HTR4: variants seen among roughly 807,000 people sequenced by gnomAD.
HTR4 encodes the protein 5-hydroxytryptamine receptor 4, also known as 5-hydroxytryptamine (serotonin) receptor 4, G protein-coupled.
Under a neutral mutation model 36.8 loss-of-function variants are expected in HTR4, and 16 were observed. That is an observed-to-expected ratio of 0.43 (90% CI 0.29 to 0.66). HTR4 has a LOEUF of 0.66. HTR4 is among the 30% of genes least tolerant of loss of function. The probability of loss-of-function intolerance (pLI) is 0.13; values close to 1 mark genes in which losing one functional copy is unlikely to be tolerated. For synonymous variants in HTR4, 189 were observed against 185.1 expected (o/e 1.02, Z -0.17); for missense variants, 438 against 490.9 (o/e 0.89, Z 1.02).
At chr5:148,628,708 A>T (rs976746967) in intron 2 of HTR4, 1 of 152,200 alleles carries the variant, frequency 6.6e-6, no homozygotes, top group Non-Finnish European at 1.5e-5. Context: ...AAATAAAGAT[A>T]TTTATTTCTT....
At chr5:148,638,809 C>A (rs542117771) in intron 1 of HTR4, among the ~76,000 whole-genome samples, 5 of 152,114 alleles carry the variant, frequency 3.3e-5, no homozygotes, top group African/African-American at 7.2e-5. Flanking sequence ...AATCCCAACA[C>A]TTTGGGGGGC....
chr5:148,496,061 C>G (rs1756671562), intron 6 of HTR4, among the ~76,000 whole-genome samples: 1 of 152,142 alleles, frequency 6.6e-6, no homozygotes, highest in Admixed American at 6.5e-5. Flanking sequence ...AATCGCGCCA[C>G]TGCACTCCAG....
At chr5:148,569,763 A>G (rs547560332) in intron 2 of HTR4, among the ~76,000 whole-genome samples, 6 of 152,008 alleles carry the variant, frequency 3.9e-5, no homozygotes, top group African/African-American at 1.4e-4. Context: ...AGAAATGCAT[A>G]TGTATGCATA....
chr5:148,639,350 G>A (rs574451015), intron 1 of HTR4, among the ~76,000 whole-genome samples: 1 of 151,984 alleles, frequency 6.6e-6, no homozygotes, highest in Non-Finnish European at 1.5e-5. Flanking sequence ...AAACTCAACT[G>A]TAGCCATGCC....
Position 148,574,423 on chromosome 5 carries a change from C to T in HTR4, c.27-24161G>A, listed in dbSNP as rs143640884. Among the ~76,000 whole-genome samples, 295 of 152,110 alleles carry T rather than the reference C, an allele frequency of 1.9e-3. 7 individuals are homozygous for T. The East Asian group carries it at 0.031, about 16-fold the overall frequency. ...TCTCTCTCTCTCACTCACACACACA[C>T]GTGACAGATTTTAAAAATCAACATC... On this transcript the variant is annotated intron_variant, in intron 2 of 6. Coordinates refer to ENST00000377888, the MANE Select transcript of HTR4 (RefSeq NM_000870.7).
chr5:148,521,671 T>C lies in HTR4; in HGVS notation c.507+1522A>G, dbSNP rs754874690. Among the ~76,000 whole-genome samples, 26 of 152,062 alleles carry C rather than the reference T, an allele frequency of 1.7e-4. 1 individual carries two copies. The highest frequency in any genetic ancestry group is 2.9e-4 in the Non-Finnish European group (20 of 68,008). On this transcript the variant is annotated intron_variant, in intron 5 of 6. Coordinates refer to ENST00000377888, the MANE Select transcript of HTR4 (RefSeq NM_000870.7). ...CACAAACACACACACCCATTAGTTA[T>C]GTTTATCTGGAGAACCAATACACAG...
At chr5:148,529,686 A>T (rs1758460246) in intron 4 of HTR4, among the ~76,000 whole-genome samples, 1 of 152,238 alleles carries the variant, frequency 6.6e-6, no homozygotes, top group African/African-American at 2.4e-5. Context: ...AAAATGTGGA[A>T]GTGACTTTGG....
chr5:148,548,993 G>A (rs1274863681), intron 3 of HTR4, 125 bp from the exon 4 acceptor site: 5 of 690,088 alleles, frequency 7.2e-6, no homozygotes, highest in African/African-American at 5.4e-5. Flanking sequence ...AAGGGAGGGG[G>A]AAAGAGGAAA....
chr5:148,528,067 G>A (rs1221304488), intron 4 of HTR4, among the ~76,000 whole-genome samples: 2 of 152,142 alleles, frequency 1.3e-5, no homozygotes, highest in Non-Finnish European at 2.9e-5. Context: ...GCAGGATCTA[G>A]GGTGGTTAGG....
intron 5 of HTR4, among the ~76,000 whole-genome samples, chr5:148,515,985 C>CAT (rs3041921): frequency 0.24 from 36,227 of 148,548 alleles, 5,339 homozygotes; most frequent in Non-Finnish European, 0.34. Flanking sequence ...ATATATGTAA[C>CAT]ATATATATAT....
intron 1 of HTR4, among the ~76,000 whole-genome samples, chr5:148,643,775 G>A (rs555094091): frequency 2.8e-4 from 42 of 152,042 alleles, no homozygotes; most frequent in Non-Finnish European, 3.5e-4. Flanking sequence ...CTAACTGTGA[G>A]GTAGATCATT....
chr5:148,518,838 T>C (rs1244425650), intron 5 of HTR4, among the ~76,000 whole-genome samples: 4 of 152,222 alleles, frequency 2.6e-5, no homozygotes, highest in Non-Finnish European at 5.9e-5. Flanking sequence ...ATGACTTACT[T>C]TTCCTCTTCC....
chr5:148,614,185 C>A (rs1287822304), intron 2 of HTR4, among the ~76,000 whole-genome samples: 14 of 152,166 alleles, frequency 9.2e-5, no homozygotes, highest in South Asian at 4.1e-4. Context: ...AAACTACTTT[C>A]AAGTTCATAT....
chr5:148,506,078 C>A (rs1442279826), intron 6 of HTR4, among the ~76,000 whole-genome samples: 1 of 152,090 alleles, frequency 6.6e-6, no homozygotes, highest in Non-Finnish European at 1.5e-5. Context: ...CAACCCTAAG[C>A]CAAAAGAACA....
intron 5 of HTR4, among the ~76,000 whole-genome samples, chr5:148,458,142 CTATT>C (rs1561558974): frequency 1.5e-5 from 2 of 135,842 alleles, no homozygotes; most frequent in East Asian, 2.1e-4. Context: ...ATTTTAATAT[CTATT>C]TAATATATCA....
chr5:148,572,192 A>G (rs887569729), intron 2 of HTR4, among the ~76,000 whole-genome samples: 3 of 152,112 alleles, frequency 2.0e-5, no homozygotes, highest in Admixed American at 6.6e-5. Context: ...CTCTGCTTTG[A>G]TAATAATGGA....
rs937920222 is a variant in HTR4 at position 148,458,843 on chromosome 5, T to C, written c.1077-7571A>G. Reference sequence around the variant, plus strand: ...CAAGTTCATGAGCAGGGGAGGTTCCTGAAGATTTTATGTTTTTAATGAACA... The same window carrying C: ...CAAGTTCATGAGCAGGGGAGGTTCCCGAAGATTTTATGTTTTTAATGAACA... On this transcript the variant is annotated intron_variant, in intron 5 of 5. Transcript: ENST00000521530. Among the ~76,000 whole-genome samples the C allele has an allele frequency of 3.9e-5, 6 of 152,180 alleles. No individual in the cohort carries two copies. The East Asian group carries it at 1.2e-3, about 29-fold the overall frequency.
At chr5:148,551,399 A>G (rs937596156) in intron 2 of HTR4, among the ~76,000 whole-genome samples, 1 of 152,190 alleles carries the variant, frequency 6.6e-6, no homozygotes, top group Non-Finnish European at 1.5e-5. Context: ...AGTGCCCACA[A>G]TATGTCATTG....
Position 148,523,285 on chromosome 5 carries a change from C to T in HTR4, c.415G>A (p.Ala139Thr), listed in dbSNP as rs201950460. ...YRNKMTPLRI[A>T]LMLGGCWVIP... is the part of the protein sequence containing the mutation. Reference sequence around the variant, plus strand: ...ACCCAGCAGCCTCCCAGCATTAATGCGATGCGCAGAGGGGTCATCTTGTTC... The same window carrying T: ...ACCCAGCAGCCTCCCAGCATTAATGTGATGCGCAGAGGGGTCATCTTGTTC... The change falls in exon 5 of 7, where the codon GCA becomes ACA. Residue 139 changes from alanine to threonine, a missense_variant. Physicochemically the swap from Ala to Thr is moderately conservative, Grantham distance 58. Transcript: ENST00000377888. The T allele has an allele frequency of 2.0e-5, 33 of 1,612,940 alleles. No individual in the cohort carries two copies. Among genetic ancestry groups the T allele is most frequent in the Non-Finnish European group, 2.5e-5 (29 of 1,179,514 alleles).
Sources: gnomAD v4.1 joint callset for allele counts (sites outside exome capture counted in the v4.1 genomes callset) on GRCh38, gnomAD v4.1.1 for gene constraint, MANE v1.5 for transcripts, NCBI Gene and HGNC (gene_info 2026-07-23, HGNC 2026-07-21) for gene names.